NAP1L1: variants seen among roughly 807,000 people sequenced by gnomAD.
The protein encoded by NAP1L1 is nucleosome assembly protein 1 like 1.
A neutral mutation model predicts 58.9 loss-of-function variants in NAP1L1; 9 were observed. The ratio of observed to expected loss-of-function variants is 0.15; its 90% CI spans 0.09 to 0.27. The LOEUF is 0.27. NAP1L1 is among the 10% of genes least tolerant of loss of function. NAP1L1 has a pLI of 1.00. For synonymous variants in NAP1L1, 130 were observed against 138.3 expected (o/e 0.94, Z 0.42); for missense variants, 302 against 458.8 (o/e 0.66, Z 3.12).
At chr12:76,070,232 C>T (rs1366843994) in intron 2 of NAP1L1, among the ~76,000 whole-genome samples, 1 of 152,072 alleles carries the variant, frequency 6.6e-6, no homozygotes, top group East Asian at 1.9e-4. Flanking sequence ...AAGCAATTCT[C>T]GTGCCTCAGC....
In NAP1L1 at chr12:76,045,015, A is replaced by G. The variant is rs1010722366; in HGVS notation, c.*3414T>C. ...CCATCACCATTTACATGTACTTTTCAGGTATCAGAGACTTAGTGCTTTAAG... is the reference window on the plus strand; with the variant it reads ...CCATCACCATTTACATGTACTTTTCGGGTATCAGAGACTTAGTGCTTTAAG... On this transcript the variant is annotated 3_prime_UTR_variant, in exon 15 of 15. Coordinates refer to ENST00000618691, the MANE Select transcript of NAP1L1 (RefSeq NM_004537.7). The G allele has an allele frequency of 3.9e-5, 6 of 152,144 alleles. No individual in the cohort carries two copies. Among genetic ancestry groups the G allele is most frequent in the African/African-American group, 1.4e-4 (6 of 41,444 alleles). The allele number at this position is 152,144 out of a possible 1,614,324, so 9.4% of individuals were successfully genotyped here.
chr12:76,043,627 CCTGTAT>C lies in NAP1L1; in HGVS notation c.*4796_*4801del, dbSNP rs1948572012. 6.6e-6 allele frequency: 1 copy of C among 152,154 alleles called. No individual in the cohort carries two copies. The highest frequency in any genetic ancestry group is 1.5e-5 in the Non-Finnish European group (1 of 68,064). The allele number at this position is 152,154 out of a possible 1,614,324, so 9.4% of individuals were successfully genotyped here. A position where few individuals can be genotyped will look rare whatever the true frequency, so the allele number is the denominator to read the frequency against. On this transcript the variant is annotated 3_prime_UTR_variant, in exon 15 of 15. Coordinates refer to ENST00000618691, the MANE Select transcript of NAP1L1 (RefSeq NM_004537.7). ...TATGGACTGGCCACTTGTATTTCTA[CCTGTAT>C]TTCCAGGTATCTCAATTCCTTGAAT...
intron 14 of NAP1L1, chr12:76,048,891 T>C (rs754950155): frequency 1.8e-5 from 8 of 433,020 alleles, no homozygotes; most frequent in Non-Finnish European, 3.3e-5. Flanking sequence ...CCAGATCTTT[T>C]AAAAACCTTT....
Position 76,048,575 on chromosome 12 carries a change from A to G in NAP1L1, c.1141-111T>C, listed in dbSNP as rs143937804. 2,154 of 1,075,160 alleles carry G rather than the reference A, an allele frequency of 2.0e-3. 13 individuals are homozygous for G. Among genetic ancestry groups the G allele is most frequent in the Non-Finnish European group, 1.2e-3 (854 of 696,124 alleles). The allele number at this position is 1,075,160 out of a possible 1,614,324, so 66.6% of individuals were successfully genotyped here. On this transcript the variant is annotated intron_variant, in intron 14 of 14. Transcript: ENST00000618691. ...CAGTAGCTCACTGTTGTCAAAAGAA[A>G]TGGTATAGGACAATGGTGGTAAATT...
chr12:76,074,453 TAAAAC>T lies in NAP1L1; in HGVS notation c.-20-219_-20-215del, dbSNP rs566563585. ...AAATAATTTTTCAGAGGATATTACT[TAAAAC>T]AAAAAAGTTACCACTAAGCTTTTAG... On this transcript the variant is annotated intron_variant, in intron 1 of 14. Coordinates refer to ENST00000618691, the MANE Select transcript of NAP1L1 (RefSeq NM_004537.7). The T allele has an allele frequency of 1.5e-5, 11 of 748,538 alleles. 1 individual carries two copies. In the South Asian group the frequency reaches 2.4e-4, roughly 17 times the overall value. The allele number at this position is 748,538 out of a possible 1,614,324, so 46.4% of individuals were successfully genotyped here. A position where few individuals can be genotyped will look rare whatever the true frequency, so the allele number is the denominator to read the frequency against.
intron 4 of NAP1L1, among the ~76,000 whole-genome samples, chr12:76,066,125 TAAATAAATAAATAAAC>T (rs1425800178): frequency 0.041 from 4,737 of 115,078 alleles, 276 homozygotes; most frequent in African/African-American, 0.15. Flanking sequence ...AATAAATAAA[TAAATAAATAAATAAAC>T]AAACAAACAA....
At chr12:76,068,849 C>T (rs1949815244) in intron 3 of NAP1L1, 60 bp downstream of exon 3, 2 of 1,240,998 alleles carry the variant, frequency 1.6e-6, no homozygotes, top group African/African-American at 3.0e-5. Flanking sequence ...GTACTTATAA[C>T]TACCCTCTAG....
chr12:76,048,115 A>AT lies in NAP1L1; in HGVS notation c.*313_*314insA. On this transcript the variant is annotated 3_prime_UTR_variant, in exon 15 of 15. Coordinates refer to ENST00000618691, the MANE Select transcript of NAP1L1 (RefSeq NM_004537.7). Reference sequence around the variant, plus strand: ...GGAAAAAATTACAAAAAAAAAAAAAAGGTATTTCCTTTAACAGTTGTTAAT... The same window carrying AT: ...GGAAAAAATTACAAAAAAAAAAAAAATGGTATTTCCTTTAACAGTTGTTAAT... 6.4e-6 allele frequency: 2 copies of AT among 312,012 alleles called. No homozygotes were observed. Among genetic ancestry groups the AT allele is most frequent in the Admixed American group, 4.7e-5 (1 of 21,220 alleles). The allele number at this position is 312,012 out of a possible 1,614,324, so 19.3% of individuals were successfully genotyped here.
intron 4 of NAP1L1, among the ~76,000 whole-genome samples, chr12:76,063,982 T>C (rs1471662555): frequency 6.6e-6 from 1 of 150,800 alleles, no homozygotes; most frequent in African/African-American, 2.4e-5. Flanking sequence ...GAGACCAGTC[T>C]GGGCAACATA....
chr12:76,066,406 A>G (rs1370802413), intron 4 of NAP1L1, among the ~76,000 whole-genome samples: 1 of 152,114 alleles, frequency 6.6e-6, no homozygotes, highest in Admixed American at 6.5e-5. Context: ...GAAATGACAC[A>G]TTATTTAGAA....
At chr12:76,068,046 T>G (rs1231759391) in intron 3 of NAP1L1, among the ~76,000 whole-genome samples, 1 of 152,178 alleles carries the variant, frequency 6.6e-6, no homozygotes, top group East Asian at 1.9e-4. Context: ...ACATACTCAA[T>G]CCAAATATGC....
intron 11 of NAP1L1, among the ~76,000 whole-genome samples, chr12:76,050,891 C>T (rs1196715751): frequency 6.6e-6 from 1 of 151,530 alleles, no homozygotes; most frequent in Non-Finnish European, 1.5e-5. Flanking sequence ...GGGTGGCACA[C>T]GCCTGTAGTC....
chr12:76,055,138 C>T (rs1949022753), intron 7 of NAP1L1, 48 bp from the exon 8 acceptor site: 2 of 1,337,922 alleles, frequency 1.5e-6, no homozygotes, highest in African/African-American at 1.5e-5. Flanking sequence ...CATTCGAGGA[C>T]TGTGTTCTGT....
chr12:76,082,634 G>A (rs1950453839), intron 1 of NAP1L1, among the ~76,000 whole-genome samples: 1 of 152,152 alleles, frequency 6.6e-6, no homozygotes, highest in African/African-American at 2.4e-5. Context: ...CCAAAGGACA[G>A]TATTCTTAGA....
intron 1 of NAP1L1, among the ~76,000 whole-genome samples, chr12:76,079,493 CTGTAA>C (rs1355638055): frequency 6.6e-6 from 1 of 152,070 alleles, no homozygotes; most frequent in East Asian, 1.9e-4. Context: ...AAAAAAAAAT[CTGTAA>C]TGTAAAAGAC....
In NAP1L1 at chr12:76,047,956, AT is replaced by A. The variant is rs964767791; in HGVS notation, c.*472del. Reference sequence around the variant, plus strand: ...TCTTAACCATATAGTTGTCTTGCCAATTTTTTTTTTAAACAATAAATTGTCT... The same window carrying A: ...TCTTAACCATATAGTTGTCTTGCCAATTTTTTTTTAAACAATAAATTGTCT... On this transcript the variant is annotated 3_prime_UTR_variant, in exon 15 of 15. Transcript: ENST00000618691. The A allele has an allele frequency of 5.5e-4, 84 of 152,704 alleles. No homozygotes were observed. Among genetic ancestry groups the A allele is most frequent in the East Asian group, 2.3e-3 (12 of 5,194 alleles). 9.5% of individuals were successfully genotyped at this position (152,704 alleles called of 1,614,324 possible). A position where few individuals can be genotyped will look rare whatever the true frequency, so the allele number is the denominator to read the frequency against.
At chr12:76,074,168 A>C (rs1215953071) in intron 2 of NAP1L1, 35 bp downstream of exon 2, 1 of 1,516,282 alleles carries the variant, frequency 6.6e-7, no homozygotes, top group Admixed American at 1.7e-5. Context: ...AGTGATGCCA[A>C]ATCTCTGAAA....
chr12:76,068,937 CTCT>C lies in NAP1L1; in HGVS notation c.72_74del (p.Glu26del), dbSNP rs922184331. 7.4e-6 allele frequency: 12 copies of C among 1,613,000 alleles called. No homozygotes were observed. The highest frequency in any genetic ancestry group is 1.7e-5 in the Admixed American group (1 of 59,920). On this transcript the variant is annotated inframe_deletion, in exon 3 of 15. Coordinates refer to ENST00000618691, the MANE Select transcript of NAP1L1 (RefSeq NM_004537.7). ...TGAGTTTTGTTTCTTCACCAGTTTC[CTCT>C]TCTTCTACTTCTTCAACATCATCCA...
chr12:76,037,953 A>G lies in NAP1L1; in HGVS notation c.*10476T>C, dbSNP rs1871089071. 1 of 152,248 alleles carries G rather than the reference A, an allele frequency of 6.6e-6. No individual in the cohort carries two copies. The highest frequency in any genetic ancestry group is 2.1e-4 in the South Asian group (1 of 4,838). 9.4% of individuals were successfully genotyped at this position (152,248 alleles called of 1,614,324 possible). A position where few individuals can be genotyped will look rare whatever the true frequency, so the allele number is the denominator to read the frequency against. On this transcript the variant is annotated 3_prime_UTR_variant, in exon 15 of 15. Coordinates refer to ENST00000618691, the MANE Select transcript of NAP1L1 (RefSeq NM_004537.7). The stretch of plus-strand genomic sequence containing the variant: ...GTATTGATATTATTCAAAATGGGCA[A>G]GCAGGCTATCTTATTGAGTATTAAC...
Sources: allele counts gnomAD v4.1 joint callset (sites outside exome capture counted in the v4.1 genomes callset), GRCh38; gene constraint gnomAD v4.1.1; transcripts MANE v1.5; gene names NCBI Gene and HGNC (gene_info 2026-07-23, HGNC 2026-07-21).